GRIP1: variants seen among roughly 807,000 people sequenced by gnomAD.
GRIP1 encodes glutamate receptor interacting protein 1, also known as glutamate receptor-interacting protein 1.
In GRIP1, 45 loss-of-function variants were observed where a neutral mutation model predicts 129.9. The ratio of observed to expected loss-of-function variants is 0.35; its 90% CI spans 0.27 to 0.44. GRIP1 has a LOEUF of 0.44. GRIP1 is among the 20% of genes least tolerant of loss of function. The pLI, the probability that GRIP1 is intolerant of heterozygous loss-of-function variation, is 1.00. For missense variants in GRIP1, 1,196 were observed against 1,396.8 expected, an observed-to-expected ratio of 0.86 and a Z score of 2.29; for synonymous variants, 530 against 520.8, an observed-to-expected ratio of 1.02 and a Z score of -0.24.
intron 1 of GRIP1, among the ~76,000 whole-genome samples, chr12:66,776,252 G>A (rs1017030415): frequency 6.6e-6 from 1 of 152,098 alleles, no homozygotes; most frequent in African/African-American, 2.4e-5. Flanking sequence ...CACCTACATA[G>A]GTATCCAATT....
chr12:66,825,769 G>A (rs1277017548), intron 1 of GRIP1, among the ~76,000 whole-genome samples: 1 of 152,110 alleles, frequency 6.6e-6, no homozygotes, highest in African/African-American at 2.4e-5. Flanking sequence ...CCTTTTCAGG[G>A]CATAAAACTA....
chr12:66,396,835 G>C (rs1013529330), intron 16 of GRIP1, among the ~76,000 whole-genome samples: 11 of 152,122 alleles, frequency 7.2e-5, no homozygotes, highest in Non-Finnish European at 1.3e-4. Flanking sequence ...ATTTGGCCAG[G>C]TGCAGTGGCT....
At chr12:66,729,197 T>C (rs1323020738) in intron 1 of GRIP1, among the ~76,000 whole-genome samples, 1 of 152,122 alleles carries the variant, frequency 6.6e-6, no homozygotes, top group African/African-American at 2.4e-5. Flanking sequence ...TAAAACATGC[T>C]AGTCTTGACT....
intron 1 of GRIP1, among the ~76,000 whole-genome samples, chr12:67,047,227 A>G (rs2043267521): frequency 6.6e-6 from 1 of 152,188 alleles, no homozygotes; most frequent in Admixed American, 6.6e-5. Context: ...TTTCCTATTT[A>G]AACAGAATTT....
chr12:66,988,666 C>T (rs891300951), intron 1 of GRIP1, among the ~76,000 whole-genome samples: 10 of 152,196 alleles, frequency 6.6e-5, no homozygotes, highest in Admixed American at 5.2e-4. Context: ...TTTGAGCCAC[C>T]GCACCCAGCT....
At chr12:66,635,490 C>T (rs2031276082) in intron 1 of GRIP1, among the ~76,000 whole-genome samples, 1 of 151,634 alleles carries the variant, frequency 6.6e-6, no homozygotes, top group South Asian at 2.1e-4. Flanking sequence ...CCTAAAATAT[C>T]CATGTTTGCT....
intron 1 of GRIP1, among the ~76,000 whole-genome samples, chr12:66,963,021 A>G (rs1437830602): frequency 6.6e-6 from 1 of 152,188 alleles, no homozygotes; most frequent in Non-Finnish European, 1.5e-5. Flanking sequence ...CTTAATAATG[A>G]ATGTTTAGGC....
chr12:66,930,055 C>CTCAGT (rs67075541), intron 1 of GRIP1, among the ~76,000 whole-genome samples: 1 of 128,772 alleles, frequency 7.8e-6, no homozygotes, highest in Non-Finnish European at 1.6e-5. Flanking sequence ...CTCTCTCTCT[C>CTCAGT]TTTTTTTTTT....
intron 1 of GRIP1, among the ~76,000 whole-genome samples, chr12:66,845,136 A>C (rs1040399683): frequency 2.6e-5 from 4 of 152,150 alleles, no homozygotes. Context: ...AAAATAAAGA[A>C]AGAAATGCAC....
intron 1 of GRIP1, among the ~76,000 whole-genome samples, chr12:66,889,987 T>C (rs2040631361): frequency 6.6e-6 from 1 of 152,050 alleles, no homozygotes; most frequent in African/African-American, 2.4e-5. Flanking sequence ...TGGAGTGCAG[T>C]GGTGTAATCA....
intron 9 of GRIP1, among the ~76,000 whole-genome samples, chr12:66,461,773 A>G (rs907721255): frequency 6.6e-6 from 1 of 152,172 alleles, no homozygotes; most frequent in African/African-American, 2.4e-5. Flanking sequence ...GTGCATTTTA[A>G]AAGGTGGGAG....
In GRIP1 at chr12:66,893,297, A is replaced by C. The variant is rs2040692697; in HGVS notation, c.58+175753T>G. On this transcript the variant is annotated intron_variant, in intron 1 of 1. Coordinates refer to the GRIP1 transcript ENST00000643019. ...AGAGTCTGCTCTGTTGCCCAGGCTG[A>C]GTACAGTGGTGCGATCATGTTTCAC... is the stretch of plus-strand genomic sequence containing the variant. Among the ~76,000 whole-genome samples the C allele has an allele frequency of 1.3e-5, 2 of 152,086 alleles. 1 individual carries two copies. The highest frequency in any genetic ancestry group is 4.2e-4 in the South Asian group (2 of 4,818).
intron 1 of GRIP1, among the ~76,000 whole-genome samples, chr12:66,967,344 T>G (rs1208435751): frequency 1.3e-5 from 2 of 152,200 alleles, no homozygotes; most frequent in Non-Finnish European, 2.9e-5. Context: ...CAACATGTTA[T>G]TGTTAACTCT....
At chr12:66,580,048 C>T in intron 2 of GRIP1, among the ~76,000 whole-genome samples, 1 of 148,604 alleles carries the variant, frequency 6.7e-6, no homozygotes, top group Admixed American at 6.8e-5. Context: ...ATCAGACTAA[C>T]AGCGGATCTC....
At chr12:66,852,540 GTA>G (rs201877464) in intron 1 of GRIP1, among the ~76,000 whole-genome samples, 1 of 149,736 alleles carries the variant, frequency 6.7e-6, no homozygotes, top group Non-Finnish European at 1.5e-5. Context: ...ATGTATATAT[GTA>G]TATATGTATA....
chr12:66,818,554 A>C (rs1210327153), intron 1 of GRIP1, among the ~76,000 whole-genome samples: 1 of 152,178 alleles, frequency 6.6e-6, no homozygotes, highest in Non-Finnish European at 1.5e-5. Context: ...CACAACTCAA[A>C]CATTTCATTA....
intron 1 of GRIP1, among the ~76,000 whole-genome samples, chr12:66,763,453 A>C (rs1416456658): frequency 3.9e-5 from 6 of 152,222 alleles, no homozygotes; most frequent in Admixed American, 1.3e-4. Flanking sequence ...TACTGTTCTG[A>C]CCACAGTCAA....
chr12:66,622,239 C>T (rs955972201), intron 1 of GRIP1, among the ~76,000 whole-genome samples: 2 of 151,970 alleles, frequency 1.3e-5, no homozygotes, highest in Admixed American at 6.6e-5. Context: ...CTACAAGTCA[C>T]TTTTGCCCCA....
At chr12:66,363,011 G>A (rs916373319) in intron 23 of GRIP1, among the ~76,000 whole-genome samples, 3 of 151,024 alleles carry the variant, frequency 2.0e-5, no homozygotes, top group Non-Finnish European at 4.4e-5. Flanking sequence ...TTTATTTCCC[G>A]ACAAGTTATT....
Sources: gnomAD v4.1 joint callset for allele counts (sites outside exome capture counted in the v4.1 genomes callset) on GRCh38, gnomAD v4.1.1 for gene constraint, MANE v1.5 for transcripts, NCBI Gene and HGNC (gene_info 2026-07-23, HGNC 2026-07-21) for gene names.